Variants in LGR6 observed in about 807,000 individuals in gnomAD.
LGR6 encodes leucine rich repeat containing G protein-coupled receptor 6.
A neutral mutation model predicts 69.4 loss-of-function variants in LGR6; 45 were observed. That is an observed-to-expected ratio of 0.65 (90% CI 0.51 to 0.83). The LOEUF (loss-of-function observed/expected upper bound fraction) is 0.83, where lower values mean the gene tolerates loss of function less well. Among genes scored for constraint, LGR6 ranks in the 40% least tolerant of loss-of-function variants. The pLI, the probability that LGR6 is intolerant of heterozygous loss-of-function variation, is 0.00. For synonymous variants in LGR6, 538 were observed against 555.0 expected (o/e 0.97, Z 0.43); for missense variants, 1,108 against 1,246.7 (o/e 0.89, Z 1.68).
intron 4 of LGR6, 51 bp from the exon 5 acceptor site, chr1:202,276,255 T>G (rs1665541337): frequency 1.7e-5 from 25 of 1,496,358 alleles, no homozygotes; most frequent in Non-Finnish European, 2.3e-5. Context: ...CCCCAAAGCT[T>G]GGTCTGCATC....
At chr1:202,227,237 C>CTGA (rs1437058364) in intron 2 of LGR6, among the ~76,000 whole-genome samples, 1 of 152,212 alleles carries the variant, frequency 6.6e-6, no homozygotes. Flanking sequence ...TTGGTAGGAA[C>CTGA]TGATGCACAA....
At chr1:202,271,063 A>G (rs370514081) in intron 4 of LGR6, among the ~76,000 whole-genome samples, 24 of 152,330 alleles carry the variant, frequency 1.6e-4, no homozygotes, top group African/African-American at 5.8e-4. Flanking sequence ...TTGAGGGGCC[A>G]GGTCCACGTG....
At chr1:202,306,623 C>T (rs1653213966) in intron 12 of LGR6, 1 of 545,602 alleles carries the variant, frequency 1.8e-6, no homozygotes, top group East Asian at 3.3e-5. Context: ...AGTGGGAACA[C>T]TGGAAGCTGA....
At chr1:202,228,274 T>A (rs1660726000) in intron 3 of LGR6, among the ~76,000 whole-genome samples, 1 of 152,238 alleles carries the variant, frequency 6.6e-6, no homozygotes, top group African/African-American at 2.4e-5. Flanking sequence ...AAGTGTATAA[T>A]GACCATCGAC....
chr1:202,218,270 T>C (rs1176343452), intron 1 of LGR6, among the ~76,000 whole-genome samples: 1 of 152,120 alleles, frequency 6.6e-6, no homozygotes, highest in Non-Finnish European at 1.5e-5. Context: ...TCAGGGGGTG[T>C]TTGGAAATGC....
chr1:202,198,350 G>T (rs992599335), intron 1 of LGR6, among the ~76,000 whole-genome samples: 1 of 152,214 alleles, frequency 6.6e-6, no homozygotes, highest in Non-Finnish European at 1.5e-5. Flanking sequence ...CTGTAAACAG[G>T]GTTAAGATCT....
At chr1:202,283,428 G>A (rs769033056) in intron 6 of LGR6, among the ~76,000 whole-genome samples, 3 of 152,200 alleles carry the variant, frequency 2.0e-5, no homozygotes, top group South Asian at 2.1e-4. Flanking sequence ...TAATTGGCAC[G>A]CTTTGCAGTC....
chr1:202,318,655 C>T lies in LGR6; in HGVS notation c.2352C>T (p.Leu784=), dbSNP rs752189734. ...CCTGGCTCATCTTCGCAGACGGGCTCCTCTACTGTCCCGTGGCCTTCCTCA... is the reference window on the plus strand; with the variant it reads ...CCTGGCTCATCTTCGCAGACGGGCTTCTCTACTGTCCCGTGGCCTTCCTCA... ...HVAWLIFADG[L]LYCPVAFLSF... Residue 784 remains leucine, a synonymous_variant, in exon 18 of 18, where the codon CTC becomes CTT. Transcript: ENST00000367278. The T allele has an allele frequency of 2.5e-6, 4 of 1,613,806 alleles. No homozygotes were observed. Among genetic ancestry groups the T allele is most frequent in the Non-Finnish European group, 2.5e-6 (3 of 1,180,004 alleles).
intron 1 of LGR6, among the ~76,000 whole-genome samples, chr1:202,199,592 C>G (rs1465651403): frequency 6.6e-6 from 1 of 151,440 alleles, no homozygotes; most frequent in Non-Finnish European, 1.5e-5. Flanking sequence ...CCGCCTTCCC[C>G]CCATTCCATG....
chr1:202,197,753 G>T (rs1261093705), intron 1 of LGR6, among the ~76,000 whole-genome samples: 4 of 152,182 alleles, frequency 2.6e-5, no homozygotes, highest in Non-Finnish European at 4.4e-5. Context: ...CTATTCCATT[G>T]CATGTGCACA....
intron 1 of LGR6, among the ~76,000 whole-genome samples, chr1:202,194,791 C>T (rs1381726036): frequency 1.3e-5 from 2 of 152,160 alleles, no homozygotes; most frequent in African/African-American, 4.8e-5. Context: ...CACCATCTCC[C>T]TTCACTGGGG....
At chr1:202,276,059 A>G (rs1665521046) in intron 4 of LGR6, among the ~76,000 whole-genome samples, 1 of 152,198 alleles carries the variant, frequency 6.6e-6, no homozygotes, top group African/African-American at 2.4e-5. Context: ...GTGCCACTGC[A>G]CTTCAGCCTG....
In LGR6 at chr1:202,193,891, C is replaced by T. The variant is rs1399235573; in HGVS notation, c.-99C>T. The T allele has an allele frequency of 2.7e-6, 2 of 754,114 alleles. No individual in the cohort carries two copies. Among genetic ancestry groups the T allele is most frequent in the Non-Finnish European group, 3.6e-6 (2 of 560,276 alleles). 46.7% of individuals were successfully genotyped at this position (754,114 alleles called of 1,614,324 possible). A position where few individuals can be genotyped will look rare whatever the true frequency, so the allele number is the denominator to read the frequency against. ...ATAGAGCCCCTGGGGCGGTCCCCACCGACGGTGCAGCCCGCCGGGACCGGG... is the reference window on the plus strand; with the variant it reads ...ATAGAGCCCCTGGGGCGGTCCCCACTGACGGTGCAGCCCGCCGGGACCGGG... On this transcript the variant is annotated 5_prime_UTR_variant, in exon 1 of 18. Coordinates refer to ENST00000367278, the MANE Select transcript of LGR6 (RefSeq NM_001017403.2).
At chr1:202,219,604 C>T (rs1281525124) in intron 1 of LGR6, among the ~76,000 whole-genome samples, 2 of 152,142 alleles carry the variant, frequency 1.3e-5, no homozygotes, top group African/African-American at 4.8e-5. Flanking sequence ...TGACACTAGG[C>T]AGTAGAAGAA....
chr1:202,293,434 C>A (rs565017486), intron 6 of LGR6, among the ~76,000 whole-genome samples: 2 of 152,136 alleles, frequency 1.3e-5, no homozygotes, highest in Non-Finnish European at 2.9e-5. Flanking sequence ...CCTGATGCTT[C>A]GTGTGCTCTC....
At chr1:202,252,521 T>A (rs147608065) in intron 4 of LGR6, among the ~76,000 whole-genome samples, 10 of 152,280 alleles carry the variant, frequency 6.6e-5, no homozygotes, top group African/African-American at 2.4e-4. Flanking sequence ...CATGGGTGAT[T>A]AGTGGCAGGA....
chr1:202,209,159 A>T (rs1049287568), intron 1 of LGR6, among the ~76,000 whole-genome samples: 9 of 152,122 alleles, frequency 5.9e-5, no homozygotes, highest in African/African-American at 2.2e-4. Context: ...TATTTTGGCC[A>T]GAGGGGAGAG....
intron 16 of LGR6, among the ~76,000 whole-genome samples, chr1:202,312,739 G>T (rs1653840360): frequency 6.6e-6 from 1 of 152,190 alleles, no homozygotes; most frequent in South Asian, 2.1e-4. Context: ...TCTGACCTGA[G>T]AAACTTGTCT....
intron 1 of LGR6, among the ~76,000 whole-genome samples, chr1:202,205,859 T>A (rs200600973): frequency 2.9e-5 from 3 of 103,332 alleles, no homozygotes; most frequent in East Asian, 3.5e-4. Context: ...AACACACACC[T>A]CCTTCAAACA....
Sources: gnomAD v4.1 joint callset for allele counts (sites outside exome capture counted in the v4.1 genomes callset) on GRCh38, gnomAD v4.1.1 for gene constraint, MANE v1.5 for transcripts, NCBI Gene and HGNC (gene_info 2026-07-23, HGNC 2026-07-21) for gene names.